Variants in CNTNAP5 observed in about 807,000 individuals in gnomAD.
CNTNAP5 encodes contactin associated protein family member 5, also known as contactin-associated protein-like 5.
A neutral mutation model predicts 150.2 loss-of-function variants in CNTNAP5; 72 were observed. The ratio of observed to expected loss-of-function variants is 0.48; its 90% CI spans 0.40 to 0.58. CNTNAP5 has a LOEUF of 0.58. CNTNAP5 is among the 20% of genes least tolerant of loss of function. CNTNAP5 has a pLI of 0.00. For synonymous variants in CNTNAP5, 672 were observed against 619.8 expected (o/e 1.08, Z -1.25); for missense variants, 1,636 against 1,626.2 (o/e 1.01, Z -0.10).
rs532944405 is a variant in CNTNAP5, at chr2:124,485,540, G to A, written c.1062+10658G>A. 4.5e-4 allele frequency among the ~76,000 whole-genome samples: 68 copies of A among 150,124 alleles called. No individual in the cohort carries two copies. In the South Asian group the frequency reaches 0.014, roughly 31 times the overall value. Reference sequence around the variant, plus strand: ...AGGCAGGAGAATAGCATGAACCCGGGAGGCGGAGCTTGCAGTGAGCCGAGA... The same window carrying A: ...AGGCAGGAGAATAGCATGAACCCGGAAGGCGGAGCTTGCAGTGAGCCGAGA... On this transcript the variant is annotated intron_variant, in intron 7 of 23. Coordinates refer to ENST00000682447, the MANE Select transcript of CNTNAP5 (RefSeq NM_001367498.1).
intron 1 of CNTNAP5, among the ~76,000 whole-genome samples, chr2:124,121,073 A>C (rs983222967): frequency 6.6e-6 from 1 of 151,930 alleles, no homozygotes; most frequent in South Asian, 2.1e-4. Context: ...TGCCTTGGCC[A>C]TCTCCATCTT....
Position 124,698,361 on chromosome 2 carries a change from A to G in CNTNAP5, c.2078-48868A>G, listed in dbSNP as rs538462584. Among the ~76,000 whole-genome samples, 40 of 120,216 alleles carry G rather than the reference A, an allele frequency of 3.3e-4. No individual in the cohort carries two copies. The South Asian group carries it at 0.012, about 36-fold the overall frequency. 78.9% of individuals were successfully genotyped at this position (120,216 alleles called of 152,430 possible). A position where few individuals can be genotyped will look rare whatever the true frequency, so the allele number is the denominator to read the frequency against. On this transcript the variant is annotated intron_variant, in intron 13 of 23. Transcript: ENST00000682447. The stretch of plus-strand genomic sequence containing the variant: ...AAAACTCAAGATTTTAATATGCCCA[A>G]GTAGACGAGAGGATACACACACACA...
chr2:124,430,581 GA>G (rs1190625529), intron 4 of CNTNAP5, among the ~76,000 whole-genome samples: 2 of 152,160 alleles, frequency 1.3e-5, no homozygotes, highest in East Asian at 3.9e-4. Flanking sequence ...CCTGGAGACT[GA>G]AATTAATTAT....
intron 3 of CNTNAP5, among the ~76,000 whole-genome samples, chr2:124,367,896 G>T (rs952581216): frequency 6.6e-6 from 1 of 151,968 alleles, no homozygotes; most frequent in Non-Finnish European, 1.5e-5. Flanking sequence ...GAATGTACTT[G>T]CTGTTCAGTA....
intron 13 of CNTNAP5, among the ~76,000 whole-genome samples, chr2:124,667,956 G>A (rs1261133552): frequency 1.3e-5 from 2 of 152,326 alleles, no homozygotes; most frequent in Admixed American, 1.3e-4. Context: ...GAATTGTCAA[G>A]AAAGCTTTGC....
At chr2:124,575,757 C>T (rs951313762) in intron 11 of CNTNAP5, among the ~76,000 whole-genome samples, 1 of 152,248 alleles carries the variant, frequency 6.6e-6, no homozygotes, top group Non-Finnish European at 1.5e-5. Flanking sequence ...AATGTGTTCC[C>T]AACTCCTAAA....
intron 1 of CNTNAP5, among the ~76,000 whole-genome samples, chr2:124,059,036 T>C (rs1005476009): frequency 3.3e-5 from 5 of 152,204 alleles, no homozygotes; most frequent in Non-Finnish European, 5.9e-5. Context: ...AGTAAACTTA[T>C]TATCAACAAT....
chr2:124,610,852 G>A (rs1470945473), intron 12 of CNTNAP5, among the ~76,000 whole-genome samples: 1 of 151,630 alleles, frequency 6.6e-6, no homozygotes, highest in Non-Finnish European at 1.5e-5. Flanking sequence ...AACTACTCCC[G>A]AGGCTGAGGC....
At chr2:124,381,377 A>G (rs1421950762) in intron 3 of CNTNAP5, among the ~76,000 whole-genome samples, 1 of 152,166 alleles carries the variant, frequency 6.6e-6, no homozygotes, top group African/African-American at 2.4e-5. Flanking sequence ...GAGTGACACC[A>G]GTTAAGAAGT....
At chr2:124,098,299 C>T (rs1278891264) in intron 1 of CNTNAP5, among the ~76,000 whole-genome samples, 1 of 152,104 alleles carries the variant, frequency 6.6e-6, no homozygotes, top group Non-Finnish European at 1.5e-5. Context: ...TCCTCATCCT[C>T]ATTGTTTTCA....
intron 22 of CNTNAP5, among the ~76,000 whole-genome samples, chr2:124,907,174 G>A (rs1678555142): frequency 1.3e-5 from 2 of 152,050 alleles, no homozygotes; most frequent in Non-Finnish European, 2.9e-5. Context: ...TCTGGTCATG[G>A]CAATGCTTAG....
intron 5 of CNTNAP5, among the ~76,000 whole-genome samples, chr2:124,443,242 A>G (rs1692720376): frequency 6.7e-6 from 1 of 148,846 alleles, no homozygotes; most frequent in Non-Finnish European, 1.5e-5. Flanking sequence ...ATGATTATAT[A>G]TTATTTATAT....
chr2:124,892,846 C>A (rs1678226732), intron 21 of CNTNAP5, among the ~76,000 whole-genome samples: 1 of 152,066 alleles, frequency 6.6e-6, no homozygotes, highest in Non-Finnish European at 1.5e-5. Context: ...TATGTTTTTT[C>A]TTTGCATGAA....
chr2:124,605,331 A>G (rs891727326), intron 11 of CNTNAP5, among the ~76,000 whole-genome samples: 1 of 152,220 alleles, frequency 6.6e-6, no homozygotes, highest in Non-Finnish European at 1.5e-5. Flanking sequence ...CTGAGGATAT[A>G]GATGATGGAA....
chr2:124,039,613 A>T (rs977332321), intron 1 of CNTNAP5, among the ~76,000 whole-genome samples: 1 of 152,190 alleles, frequency 6.6e-6, no homozygotes, highest in African/African-American at 2.4e-5. Flanking sequence ...TTCAGTCTTC[A>T]TTTCTGATTC....
intron 11 of CNTNAP5, among the ~76,000 whole-genome samples, chr2:124,583,163 C>T (rs2104950936): frequency 6.6e-6 from 1 of 152,270 alleles, no homozygotes; most frequent in South Asian, 2.1e-4. Context: ...TGCTTCCCTA[C>T]ACGACCTACA....
intron 13 of CNTNAP5, among the ~76,000 whole-genome samples, chr2:124,668,426 T>A (rs1277990731): frequency 1.3e-5 from 2 of 152,164 alleles, no homozygotes; most frequent in African/African-American, 4.8e-5. Context: ...AAATTGAGCA[T>A]GTGTTGAATC....
At chr2:124,904,712 T>C (rs558310880) in intron 22 of CNTNAP5, among the ~76,000 whole-genome samples, 1 of 152,168 alleles carries the variant, frequency 6.6e-6, no homozygotes, top group African/African-American at 2.4e-5. Context: ...TCTTATACCA[T>C]ATAAAAATTA....
chr2:124,357,049 G>C (rs894772339), intron 3 of CNTNAP5, among the ~76,000 whole-genome samples: 2 of 152,184 alleles, frequency 1.3e-5, no homozygotes, highest in Non-Finnish European at 2.9e-5. Flanking sequence ...GCATTTCTCT[G>C]ATGGCCAGTG....
Sources: gnomAD v4.1 joint callset for allele counts (sites outside exome capture counted in the v4.1 genomes callset) on GRCh38, gnomAD v4.1.1 for gene constraint, MANE v1.5 for transcripts, NCBI Gene and HGNC (gene_info 2026-07-23, HGNC 2026-07-21) for gene names.